Variants in CHCHD6 observed in about 807,000 individuals in gnomAD.
CHCHD6 encodes MICOS complex subunit MIC25.
In CHCHD6, 28 loss-of-function variants were observed where a neutral mutation model predicts 32.3. That is an observed-to-expected ratio of 0.87 (90% confidence interval 0.64 to 1.19). The LOEUF (loss-of-function observed/expected upper bound fraction) is 1.19. Ranked by LOEUF, CHCHD6 falls within the 50% of genes most tolerant of loss-of-function variation. The pLI is 0.00. For synonymous variants in CHCHD6, 122 were observed against 117.5 expected, an observed-to-expected ratio of 1.04 and a Z score of -0.25; for missense variants, 333 against 307.0, an observed-to-expected ratio of 1.08 and a Z score of -0.63.
intron 6 of CHCHD6, among the ~76,000 whole-genome samples, chr3:126,944,648 G>A (rs887868423): frequency 3.9e-5 from 6 of 152,218 alleles, no homozygotes; most frequent in South Asian, 2.1e-4. Flanking sequence ...ACAGAGAGGC[G>A]GGGCTGGCGG....
chr3:126,844,753 G>A (rs1156899813), intron 4 of CHCHD6, among the ~76,000 whole-genome samples: 2 of 152,174 alleles, frequency 1.3e-5, no homozygotes, highest in Admixed American at 6.5e-5. Context: ...AACTTTGCAG[G>A]TGTGATTAAG....
chr3:126,804,814 A>C (rs1939278682), intron 4 of CHCHD6, among the ~76,000 whole-genome samples: 1 of 152,232 alleles, frequency 6.6e-6, no homozygotes, highest in South Asian at 2.1e-4. Context: ...AAATACTGGC[A>C]AACCAAATCC....
At position 126,804,334 on chromosome 3, in the gene CHCHD6, A is replaced by C. The variant is rs1045329263; in HGVS notation, c.412-48313A>C. Among the ~76,000 whole-genome samples the C allele has an allele frequency of 9.5e-4, 145 of 152,090 alleles. 2 individuals carry two copies. Among genetic ancestry groups the C allele is most frequent in the Non-Finnish European group, 5.0e-4 (34 of 67,918 alleles). ...CCGCTAGCAAGACTAATAAAGAAAA[A>C]AAGAGAGAAGAATCAAATAGACGCA... On this transcript the variant is annotated intron_variant, in intron 4 of 7. Coordinates refer to ENST00000290913, the MANE Select transcript of CHCHD6 (RefSeq NM_032343.3).
chr3:126,955,943 A>G (rs1410197727), intron 6 of CHCHD6, among the ~76,000 whole-genome samples: 1 of 152,234 alleles, frequency 6.6e-6, no homozygotes, highest in African/African-American at 2.4e-5. Flanking sequence ...GACCAGACCC[A>G]GGTGGCATCA....
intron 5 of CHCHD6, among the ~76,000 whole-genome samples, chr3:126,879,151 T>G (rs1008121846): frequency 2.6e-5 from 4 of 152,200 alleles, no homozygotes; most frequent in Admixed American, 6.5e-5. Flanking sequence ...CTAGCCTTGT[T>G]GATTGCATAA....
chr3:126,948,752 C>T (rs1004726151), intron 6 of CHCHD6, among the ~76,000 whole-genome samples: 1 of 152,200 alleles, frequency 6.6e-6, no homozygotes, highest in Non-Finnish European at 1.5e-5. Flanking sequence ...AAAAGTGGAA[C>T]ATATAGGTTT....
intron 6 of CHCHD6, among the ~76,000 whole-genome samples, chr3:126,916,414 AAAAG>A (rs916843807): frequency 5.3e-5 from 8 of 152,108 alleles, no homozygotes; most frequent in Admixed American, 3.3e-4. Context: ...AAAAAAAAAA[AAAAG>A]AAGGCCAATT....
intron 4 of CHCHD6, among the ~76,000 whole-genome samples, chr3:126,771,548 T>G (rs1937543068): frequency 6.6e-6 from 1 of 152,194 alleles, no homozygotes; most frequent in Non-Finnish European, 1.5e-5. Context: ...TCTTTGTTAG[T>G]CTAACTAGTG....
At chr3:126,947,185 C>A (rs1338555129) in intron 6 of CHCHD6, among the ~76,000 whole-genome samples, 1 of 152,226 alleles carries the variant, frequency 6.6e-6, no homozygotes, top group East Asian at 1.9e-4. Flanking sequence ...GAAGGTGCCA[C>A]CCATGCTTCT....
intron 5 of CHCHD6, 77 bp downstream of exon 5, chr3:126,852,807 G>T: frequency 9.9e-7 from 1 of 1,011,506 alleles, no homozygotes; most frequent in South Asian, 1.3e-5. Flanking sequence ...CTGTCATGGG[G>T]GGAGAGAGGA....
At chr3:126,890,294 G>T (rs1319483754) in intron 5 of CHCHD6, among the ~76,000 whole-genome samples, 2 of 152,236 alleles carry the variant, frequency 1.3e-5, no homozygotes, top group Non-Finnish European at 2.9e-5. Context: ...TCATGAGCGG[G>T]TAGGGCCTGG....
At chr3:126,883,165 A>G (rs530644677) in intron 5 of CHCHD6, among the ~76,000 whole-genome samples, 1 of 152,208 alleles carries the variant, frequency 6.6e-6, no homozygotes, top group Non-Finnish European at 1.5e-5. Flanking sequence ...TGGAAGCTCC[A>G]CGTCCCTTTT....
chr3:126,815,642 TGC>T (rs771675516), intron 4 of CHCHD6, among the ~76,000 whole-genome samples: 19 of 87,202 alleles, frequency 2.2e-4, no homozygotes, highest in Non-Finnish European at 4.6e-4. Flanking sequence ...TGTGGGTTCT[TGC>T]CCCCCCCCCC....
chr3:126,838,648 C>T (rs566355202), intron 4 of CHCHD6, among the ~76,000 whole-genome samples: 2 of 152,222 alleles, frequency 1.3e-5, no homozygotes, highest in South Asian at 4.1e-4. Flanking sequence ...ATAGTTTCTT[C>T]TTCAGACTCA....
At chr3:126,956,181 G>A (rs1226946325) in intron 6 of CHCHD6, among the ~76,000 whole-genome samples, 2 of 152,214 alleles carry the variant, frequency 1.3e-5, no homozygotes, top group South Asian at 2.1e-4. Context: ...GCTGTGGCAT[G>A]TGTGACAGTG....
At chr3:126,944,451 G>A (rs2078605848) in intron 6 of CHCHD6, among the ~76,000 whole-genome samples, 1 of 152,232 alleles carries the variant, frequency 6.6e-6, no homozygotes, top group Non-Finnish European at 1.5e-5. Context: ...CCTTACAGCC[G>A]AGGTAATAAG....
intron 7 of CHCHD6, among the ~76,000 whole-genome samples, chr3:126,958,277 C>T (rs1254467919): frequency 1.3e-5 from 2 of 152,110 alleles, no homozygotes; most frequent in African/African-American, 4.8e-5. Context: ...CCCACCCCAA[C>T]AGGACAGCTC....
intron 3 of CHCHD6, among the ~76,000 whole-genome samples, chr3:126,731,739 C>A (rs1419624614): frequency 6.6e-6 from 1 of 152,092 alleles, no homozygotes; most frequent in African/African-American, 2.4e-5. Context: ...TGGGTTAAGA[C>A]CCACATTCTA....
chr3:126,715,526 T>G (rs1934967541), intron 1 of CHCHD6, among the ~76,000 whole-genome samples: 1 of 152,136 alleles, frequency 6.6e-6, no homozygotes, highest in Admixed American at 6.5e-5. Context: ...GGCCTGCCCC[T>G]AGGCTCTTGT....
Sources: allele counts gnomAD v4.1 joint callset (sites outside exome capture counted in the v4.1 genomes callset), GRCh38; gene constraint gnomAD v4.1.1; transcripts MANE v1.5; gene names NCBI Gene and HGNC (gene_info 2026-07-23, HGNC 2026-07-21).